Variants in SLIT1 observed in about 807,000 individuals in gnomAD.
The protein encoded by SLIT1 is slit homolog 1 protein.
In SLIT1, 66 loss-of-function variants were observed where a neutral mutation model predicts 186.1. The ratio of observed to expected loss-of-function variants is 0.35; its 90% CI spans 0.29 to 0.44. SLIT1 has a LOEUF of 0.44. Ranked by LOEUF, SLIT1 falls within the 20% of genes least tolerant of loss-of-function variation. The probability of loss-of-function intolerance (pLI) is 1.00; values close to 1 mark genes in which losing one functional copy is unlikely to be tolerated. For missense variants in SLIT1, 1,638 were observed against 2,037.4 expected, an observed-to-expected ratio of 0.80 and a Z score of 3.77; for synonymous variants, 761 against 833.8, an observed-to-expected ratio of 0.91 and a Z score of 1.50.
chr10:97,151,587 G>T (rs1849880576), intron 4 of SLIT1, among the ~76,000 whole-genome samples: 2 of 152,014 alleles, frequency 1.3e-5, no homozygotes, highest in South Asian at 4.2e-4. Context: ...TGGGTGGATG[G>T]GTGGAGGGGG....
intron 24 of SLIT1, among the ~76,000 whole-genome samples, chr10:97,031,172 G>C (rs1357214402): frequency 6.6e-6 from 1 of 151,340 alleles, no homozygotes; most frequent in East Asian, 1.9e-4. Context: ...TTAGGGCTGG[G>C]AGAATGTCAC....
In SLIT1 at chr10:97,068,077, G is replaced by A. The variant is rs1177936813; in HGVS notation, c.414-1991C>T. 1.3e-5 allele frequency among the ~76,000 whole-genome samples: 2 copies of A among 152,210 alleles called. No individual in the cohort carries two copies. Among genetic ancestry groups the A allele is most frequent in the East Asian group, 1.9e-4 (1 of 5,198 alleles). ...AGAAGGCACTGGACCAGCTGCTGCT[G>A]CACCCCAGCACCTAGGACAGTGCCT... is the stretch of plus-strand genomic sequence containing the variant. On this transcript the variant is annotated intron_variant, in intron 4 of 36. Coordinates refer to ENST00000266058, the MANE Select transcript of SLIT1 (RefSeq NM_003061.3). The surrounding 1 kb of genome is among the most constrained non-coding windows in gnomAD (Gnocchi z 4.2).
chr10:97,057,182 A>G, intron 12 of SLIT1, 28 bp downstream of exon 12: 1 of 1,596,202 alleles, frequency 6.3e-7, no homozygotes, highest in East Asian at 2.2e-5. Flanking sequence ...CCTGGGTCCC[A>G]CCCAAGACAC....
intron 25 of SLIT1, among the ~76,000 whole-genome samples, chr10:97,023,053 T>C (rs1848514912): frequency 6.6e-6 from 1 of 151,152 alleles, no homozygotes; most frequent in African/African-American, 2.4e-5. Context: ...CATACGTGCC[T>C]CTTTTTTTTT....
At chr10:97,143,208 T>C (rs1849783221) in intron 4 of SLIT1, among the ~76,000 whole-genome samples, 1 of 152,198 alleles carries the variant, frequency 6.6e-6, no homozygotes, top group Admixed American at 6.5e-5. Flanking sequence ...CTATTCACAA[T>C]ATCTAAGAGG....
intron 28 of SLIT1, among the ~76,000 whole-genome samples, chr10:97,018,176 C>T (rs1043571686): frequency 6.6e-6 from 1 of 152,164 alleles, no homozygotes; most frequent in Admixed American, 6.5e-5. Flanking sequence ...ATTTCAAACA[C>T]CCCTGCTGTG....
intron 32 of SLIT1, among the ~76,000 whole-genome samples, chr10:97,005,211 G>A (rs564036961): frequency 1.3e-5 from 2 of 152,338 alleles, no homozygotes; most frequent in Non-Finnish European, 2.9e-5. Flanking sequence ...ACTGCTCAGG[G>A]TGGGAACTAC....
intron 25 of SLIT1, among the ~76,000 whole-genome samples, chr10:97,023,650 G>C (rs1848520251): frequency 6.6e-6 from 1 of 152,178 alleles, no homozygotes; most frequent in Non-Finnish European, 1.5e-5. Flanking sequence ...GTAAGAAAGA[G>C]CCAGAATTCC....
chr10:97,030,090 C>T (rs1186474193), intron 25 of SLIT1, among the ~76,000 whole-genome samples: 2 of 152,324 alleles, frequency 1.3e-5, no homozygotes, highest in African/African-American at 2.4e-5. Context: ...GGTGTACACA[C>T]ATCTGTTTGA....
At chr10:97,115,784 T>C (rs1455007959) in intron 4 of SLIT1, among the ~76,000 whole-genome samples, 1 of 152,154 alleles carries the variant, frequency 6.6e-6, no homozygotes, top group East Asian at 1.9e-4. Flanking sequence ...GTGAAAATGG[T>C]GTTTCTCTGC....
intron 30 of SLIT1, among the ~76,000 whole-genome samples, chr10:97,013,506 C>T (rs962363359): frequency 3.3e-5 from 5 of 152,206 alleles, no homozygotes; most frequent in Non-Finnish European, 7.3e-5. Context: ...AAGCTCAGAG[C>T]AGGCAAGTGA....
In SLIT1 at chr10:97,006,619, C is replaced by T; in HGVS notation, c.3443G>A (p.Arg1148Lys). 1 of 1,614,236 alleles carries T rather than the reference C, an allele frequency of 6.2e-7. No homozygotes were observed. Among genetic ancestry groups the T allele is most frequent in the Non-Finnish European group, 8.5e-7 (1 of 1,180,028 alleles). Reference protein sequence around the residue: ...NGANCVDQGNRPVCQCLPGFG... With the variant: ...NGANCVDQGNKPVCQCLPGFG... ...GCCTGGGAGGCACTGGCACACAGGC[C>T]TGTTGCCCTGGTCCACACAGTTGGC... Residue 1148 changes from arginine (R) to lysine (K), a missense_variant, in exon 32 of 37, where the codon AGG (arginine) becomes AAG (lysine). By Grantham distance (26) the Arg-to-Lys change is conservative. Transcript: ENST00000266058. This position sits in a 1 kb window ranked among gnomAD's most constrained non-coding sequence, Gnocchi z 4.0.
chr10:97,079,129 C>T lies in SLIT1; in HGVS notation c.414-13043G>A, dbSNP rs562060693. On this transcript the variant is annotated intron_variant, in intron 4 of 36. Transcript: ENST00000266058. ...TACTTAACCTCTCTGAGTCTGGTTA[C>T]TCATGGGTAGAGGAGGGTTAATCAC... Among the ~76,000 whole-genome samples the T allele has an allele frequency of 4.6e-5, 7 of 152,344 alleles. No homozygotes were observed. In the South Asian group the frequency reaches 1.5e-3, roughly 32 times the overall value.
At chr10:97,132,981 G>A (rs1849668728) in intron 4 of SLIT1, among the ~76,000 whole-genome samples, 1 of 152,186 alleles carries the variant, frequency 6.6e-6, no homozygotes. Flanking sequence ...AGGCCCTCCT[G>A]AGGTTTAGAT....
chr10:97,184,732 C>G lies in SLIT1; in HGVS notation c.197+746G>C, dbSNP rs1477136298. On this transcript the variant is annotated intron_variant, in intron 1 of 36. Coordinates refer to ENST00000266058, the MANE Select transcript of SLIT1 (RefSeq NM_003061.3). The surrounding 1 kb of genome is among the most constrained non-coding windows in gnomAD (Gnocchi z 4.4). Reference sequence around the variant, plus strand: ...CATGGTCAATATCTTTAACCTTGGGCCCCCCTCTCCAAGCTCCTGACTTCT... The same window carrying G: ...CATGGTCAATATCTTTAACCTTGGGGCCCCCTCTCCAAGCTCCTGACTTCT... Among the ~76,000 whole-genome samples the G allele has an allele frequency of 6.6e-6, 1 of 152,128 alleles. No homozygotes were observed. Among genetic ancestry groups the G allele is most frequent in the African/African-American group, 2.4e-5 (1 of 41,432 alleles).
At chr10:97,053,615 C>T (rs1358573893) in intron 13 of SLIT1, among the ~76,000 whole-genome samples, 1 of 152,074 alleles carries the variant, frequency 6.6e-6, no homozygotes, top group African/African-American at 2.4e-5. Flanking sequence ...ACAATGGACA[C>T]AATAATATTA....
chr10:97,136,254 G>A (rs1849702678), intron 4 of SLIT1, among the ~76,000 whole-genome samples: 1 of 152,150 alleles, frequency 6.6e-6, no homozygotes. Context: ...ACCCGTGGGA[G>A]GGCAGGGGGT....
At chr10:97,054,132 G>A (rs1026834141) in intron 13 of SLIT1, among the ~76,000 whole-genome samples, 1 of 151,936 alleles carries the variant, frequency 6.6e-6, no homozygotes, top group Admixed American at 6.6e-5. Context: ...AATCGTGGCA[G>A]AAGGCGAAGC....
chr10:97,051,607 C>T (rs1413699749), intron 13 of SLIT1, among the ~76,000 whole-genome samples: 1 of 152,038 alleles, frequency 6.6e-6, no homozygotes, highest in Non-Finnish European at 1.5e-5. Flanking sequence ...GTCAGGAGTT[C>T]AAGATCAGCC....
Sources: allele counts gnomAD v4.1 joint callset (sites outside exome capture counted in the v4.1 genomes callset), GRCh38; gene constraint gnomAD v4.1.1; non-coding constraint Gnocchi (gnomAD v3.1); transcripts MANE v1.5; gene names NCBI Gene and HGNC (gene_info 2026-07-23, HGNC 2026-07-21).